The following ZNF354C variants were observed in gnomAD, a reference collection of about 807,000 sequenced individuals.
The protein encoded by ZNF354C is KRAB-zinc finger protein synten.
Under a neutral mutation model 12.4 loss-of-function variants are expected in ZNF354C, and 7 were observed. The ratio of observed to expected loss-of-function variants is 0.56; its 90% CI spans 0.32 to 1.06. The LOEUF (loss-of-function observed/expected upper bound fraction) is 1.06, where lower values mean the gene tolerates loss of function less well. ZNF354C is among the 50% of genes least tolerant of loss of function. The pLI, the probability that ZNF354C is intolerant of heterozygous loss-of-function variation, is 0.04. For synonymous variants in ZNF354C, 202 were observed against 224.5 expected (o/e 0.90, Z 0.90); for missense variants, 609 against 658.0 (o/e 0.93, Z 0.81).
rs1473454718 is a variant in ZNF354C at position 179,083,673 on chromosome 5, T to C, written c.*3576T>C. 6.6e-6 allele frequency: 1 copy of C among 152,252 alleles called. No homozygotes were observed. Among genetic ancestry groups the C allele is most frequent in the Non-Finnish European group, 1.5e-5 (1 of 68,050 alleles). 9.4% of individuals were successfully genotyped at this position (152,252 alleles called of 1,614,324 possible). On this transcript the variant is annotated 3_prime_UTR_variant, in exon 5 of 5. Coordinates refer to ENST00000315475, the MANE Select transcript of ZNF354C (RefSeq NM_014594.3). ...GGTACCAGTTCTCCTTTAAATGGAA[T>C]GAGCATGTTCCACTTTATCTCTCAT... is the stretch of plus-strand genomic sequence containing the variant.
Position 179,083,214 on chromosome 5 carries a change from CT to C in ZNF354C, c.*3118del, listed in dbSNP as rs1762252586. ...ATTAGCTTCTGATTCATAAAAAAACCTATAAGAGACATTTGGGGGGATATTT... is the reference window on the plus strand; with the variant it reads ...ATTAGCTTCTGATTCATAAAAAAACCATAAGAGACATTTGGGGGGATATTT... On this transcript the variant is annotated 3_prime_UTR_variant, in exon 5 of 5. Coordinates refer to ENST00000315475, the MANE Select transcript of ZNF354C (RefSeq NM_014594.3). 3.4e-6 allele frequency: 1 copy of C among 298,054 alleles called. No homozygotes were observed. Among genetic ancestry groups the C allele is most frequent in the Non-Finnish European group, 6.2e-6 (1 of 162,258 alleles). The allele number at this position is 298,054 out of a possible 1,614,324, so 18.5% of individuals were successfully genotyped here. A position where few individuals can be genotyped will look rare whatever the true frequency, so the allele number is the denominator to read the frequency against.
In ZNF354C at chr5:179,060,438, G is replaced by A. The variant is rs1396441620; in HGVS notation, c.-283G>A. ...GCCTTTCGGGGGTTCTCCTGGCTTGGGCCATCCAGGCTTGGCTAGGATTGC... is the reference window on the plus strand; with the variant it reads ...GCCTTTCGGGGGTTCTCCTGGCTTGAGCCATCCAGGCTTGGCTAGGATTGC... On this transcript the variant is annotated 5_prime_UTR_variant, in exon 1 of 5. Coordinates refer to ENST00000315475, the MANE Select transcript of ZNF354C (RefSeq NM_014594.3). The surrounding 1 kb of genome is among the most constrained non-coding windows in gnomAD (Gnocchi z 4.2). 1 of 152,384 alleles carries A rather than the reference G, an allele frequency of 6.6e-6. No homozygotes were observed. The highest frequency in any genetic ancestry group is 1.5e-5 in the Non-Finnish European group (1 of 68,176). 9.4% of individuals were successfully genotyped at this position (152,384 alleles called of 1,614,324 possible).
At position 179,080,107 on chromosome 5, in the gene ZNF354C, C is replaced by T. The variant is rs763443762; in HGVS notation, c.*10C>T. On this transcript the variant is annotated 3_prime_UTR_variant, in exon 5 of 5. Coordinates refer to ENST00000315475, the MANE Select transcript of ZNF354C (RefSeq NM_014594.3). ...AGCCTATGAGGTTTAGTTCATCTCT[C>T]AAATAATCCAAGACTTCTCACTGGG... is the stretch of plus-strand genomic sequence containing the variant. 16 of 1,519,996 alleles carry T rather than the reference C, an allele frequency of 1.1e-5. No individual in the cohort carries two copies. The highest frequency in any genetic ancestry group is 1.4e-5 in the Non-Finnish European group (16 of 1,131,674). 94.2% of individuals were successfully genotyped at this position (1,519,996 alleles called of 1,614,324 possible). A position where few individuals can be genotyped will look rare whatever the true frequency, so the allele number is the denominator to read the frequency against.
In ZNF354C at chr5:179,079,214, C is replaced by T; in HGVS notation, c.782C>T (p.Ser261Phe). 6.2e-7 allele frequency: 1 copy of T among 1,613,914 alleles called. No individual in the cohort carries two copies. Among genetic ancestry groups the T allele is most frequent in the South Asian group, 1.1e-5 (1 of 91,078 alleles). ...TTCAGCCACAGATCATCCCTTCTTTCTCATCAGAGAATTCATACTGGAGAG... is the reference window on the plus strand; with the variant it reads ...TTCAGCCACAGATCATCCCTTCTTTTTCATCAGAGAATTCATACTGGAGAG... ...KTFSHRSSLL[S>F]HQRIHTGEKP... is the part of the protein sequence containing the mutation. Residue 261 changes from serine (S) to phenylalanine (F), a missense_variant, in exon 5 of 5, where the codon TCT (serine) becomes TTT (phenylalanine). Coordinates refer to ENST00000315475, the MANE Select transcript of ZNF354C (RefSeq NM_014594.3). This position sits in a 1 kb window ranked among gnomAD's most constrained non-coding sequence, Gnocchi z 4.2.
chr5:179,077,501 TCTC>T (rs986116827), intron 4 of ZNF354C, among the ~76,000 whole-genome samples: 1 of 152,174 alleles, frequency 6.6e-6, no homozygotes, highest in African/African-American at 2.4e-5. Flanking sequence ...TGACTTCAAA[TCTC>T]CTGCAGATTT....
intron 4 of ZNF354C, 58 bp from the exon 5 acceptor site, chr5:179,078,625 G>C: frequency 4.3e-6 from 6 of 1,397,206 alleles, no homozygotes; most frequent in Non-Finnish European, 5.9e-6. Context: ...TTGTCTCACC[G>C]ATACATCAGT....
chr5:179,072,791 T>G (rs559705000), intron 2 of ZNF354C, among the ~76,000 whole-genome samples: 1 of 152,316 alleles, frequency 6.6e-6, no homozygotes, highest in South Asian at 2.1e-4. Flanking sequence ...TATTTCCACA[T>G]GAAATCAATA....
Position 179,080,161 on chromosome 5 carries a change from A to C in ZNF354C, c.*64A>C. The stretch of plus-strand genomic sequence containing the variant: ...TAAGGGAATAATAAATAGGGTACAA[A>C]CTCCTAATAGATTTGTCTTTTTTAC... On this transcript the variant is annotated 3_prime_UTR_variant, in exon 5 of 5. Transcript: ENST00000315475. The C allele has an allele frequency of 8.1e-7, 1 of 1,235,364 alleles. No individual in the cohort carries two copies. Among genetic ancestry groups the C allele is most frequent in the Non-Finnish European group, 1.1e-6 (1 of 889,882 alleles). 76.5% of individuals were successfully genotyped at this position (1,235,364 alleles called of 1,614,324 possible).
intron 4 of ZNF354C, 106 bp from the exon 5 acceptor site, chr5:179,078,577 G>A (rs1429570718): frequency 2.4e-6 from 2 of 838,980 alleles, no homozygotes; most frequent in African/African-American, 1.7e-5. Flanking sequence ...AAATCTGATT[G>A]TATCACTCTT....
In ZNF354C at chr5:179,079,505, G is replaced by A. The variant is rs762236380; in HGVS notation, c.1073G>A (p.Cys358Tyr). Residue 358 changes from cysteine (C) to tyrosine (Y), a missense_variant, in exon 5 of 5, where the codon TGT becomes TAT. Cys to Tyr is a radical substitution (Grantham distance 194). Coordinates refer to ENST00000315475, the MANE Select transcript of ZNF354C (RefSeq NM_014594.3). The surrounding 1 kb of genome is among the most constrained non-coding windows in gnomAD (Gnocchi z 4.2). ...RIHTGEKPYK[C>Y]SECGKGYSQF... ...CATACAGGTGAGAAACCCTATAAAT[G>A]TAGTGAGTGTGGGAAGGGATACAGC... The A allele has an allele frequency of 6.2e-7, 1 of 1,614,186 alleles. No individual in the cohort carries two copies. The highest frequency in any genetic ancestry group is 1.7e-5 in the Admixed American group (1 of 60,024).
chr5:179,079,582 T>C lies in ZNF354C; in HGVS notation c.1150T>C (p.Tyr384His), dbSNP rs1277564344. ...GAGGTTTCATACTGGAGAACAACTGTATACATGCTTGGAATGTGGGAGAAC... is the reference window on the plus strand; with the variant it reads ...GAGGTTTCATACTGGAGAACAACTGCATACATGCTTGGAATGTGGGAGAAC... ...HQRFHTGEQL[Y>H]TCLECGRTFT... Residue 384 changes from tyrosine to histidine, a missense_variant, in exon 5 of 5, where the codon TAT becomes CAT. Physicochemically the swap from Tyr to His is moderately conservative, Grantham distance 83. Transcript: ENST00000315475. The surrounding 1 kb of genome is among the most constrained non-coding windows in gnomAD (Gnocchi z 4.2). The C allele has an allele frequency of 6.2e-7, 1 of 1,614,022 alleles. No homozygotes were observed. Among genetic ancestry groups the C allele is most frequent in the Non-Finnish European group, 8.5e-7 (1 of 1,180,044 alleles).
At chr5:179,076,815 C>T (rs1762130243) in intron 3 of ZNF354C, among the ~76,000 whole-genome samples, 1 of 152,132 alleles carries the variant, frequency 6.6e-6, no homozygotes, top group African/African-American at 2.4e-5. Flanking sequence ...GACTAGAGAT[C>T]CCAGTTTAGA....
In ZNF354C at chr5:179,078,881, A is replaced by G. The variant is rs781269950; in HGVS notation, c.449A>G (p.His150Arg). 6 of 1,614,122 alleles carry G rather than the reference A, an allele frequency of 3.7e-6. No homozygotes were observed. Among genetic ancestry groups the G allele is most frequent in the Non-Finnish European group, 4.2e-6 (5 of 1,180,010 alleles). ...KKPLRQMIDSHEKTISEDGNH... is the reference protein window; with the variant it reads ...KKPLRQMIDSREKTISEDGNH... ...CCTCTTAGACAAATGATAGATTCGC[A>G]TGAGAAAACCATCAGTGAAGATGGA... The change falls in exon 5 of 5, where the codon CAT becomes CGT. Residue 150 changes from histidine to arginine, a missense_variant. Transcript: ENST00000315475.
In ZNF354C at chr5:179,061,369, G is replaced by C. The variant is rs73806851; in HGVS notation, c.-54-646G>C. Among the ~76,000 whole-genome samples the C allele has an allele frequency of 9.8e-3, 1,491 of 152,298 alleles. 23 individuals carry two copies. The highest frequency in any genetic ancestry group is 0.034 in the African/African-American group (1,413 of 41,562). ...CTGTTTCTGGTTGTGGGTGCCATTA[G>C]AGGCGGCACCTGTGGAGTATTAGGA... On this transcript the variant is annotated intron_variant, in intron 1 of 4. Coordinates refer to ENST00000315475, the MANE Select transcript of ZNF354C (RefSeq NM_014594.3).
chr5:179,060,898 G>C lies in ZNF354C; in HGVS notation c.-55+232G>C, dbSNP rs898881030. On this transcript the variant is annotated intron_variant, in intron 1 of 4. Transcript: ENST00000315475. This position sits in a 1 kb window ranked among gnomAD's most constrained non-coding sequence, Gnocchi z 4.2. ...CGGTACGCTGTTCCCGCTCTGTCAGGAGGAGACCGAGGCAGAGTGGCGAGG... is the reference window on the plus strand; with the variant it reads ...CGGTACGCTGTTCCCGCTCTGTCAGCAGGAGACCGAGGCAGAGTGGCGAGG... 1.1e-4 allele frequency among the ~76,000 whole-genome samples: 17 copies of C among 152,190 alleles called. 1 individual carries two copies. Among genetic ancestry groups the C allele is most frequent in the Non-Finnish European group, 1.9e-4 (13 of 68,028 alleles).
At chr5:179,075,379 A>C (rs1437135763) in intron 2 of ZNF354C, among the ~76,000 whole-genome samples, 1 of 151,908 alleles carries the variant, frequency 6.6e-6, no homozygotes, top group Non-Finnish European at 1.5e-5. Context: ...CTGAGATTGC[A>C]CCACTGCACT....
chr5:179,075,152 G>A (rs1321443862), intron 2 of ZNF354C, among the ~76,000 whole-genome samples: 13 of 151,902 alleles, frequency 8.6e-5, no homozygotes, highest in South Asian at 4.2e-4. Context: ...CCAGCTACTC[G>A]GGAGGCTGAG....
At position 179,082,916 on chromosome 5, in the gene ZNF354C, C is replaced by G; in HGVS notation, c.*2819C>G. 1.0e-6 allele frequency: 1 copy of G among 958,522 alleles called. No homozygotes were observed. Among genetic ancestry groups the G allele is most frequent in the Non-Finnish European group, 1.7e-6 (1 of 588,760 alleles). The allele number at this position is 958,522 out of a possible 1,614,324, so 59.4% of individuals were successfully genotyped here. ...TGCGCTGATGAAGAATCACGGAGAA[C>G]TCCACCTCATCTCCTGCCTGGAGCT... On this transcript the variant is annotated 3_prime_UTR_variant, in exon 5 of 5. Transcript: ENST00000315475.
Position 179,082,363 on chromosome 5 carries a change from A to C in ZNF354C, c.*2266A>C, listed in dbSNP as rs1463069909. The C allele has an allele frequency of 3.7e-6, 1 of 270,320 alleles. No individual in the cohort carries two copies. The highest frequency in any genetic ancestry group is 2.3e-5 in the African/African-American group (1 of 44,002). 16.7% of individuals were successfully genotyped at this position (270,320 alleles called of 1,614,324 possible). ...AAATTTAATTAAATCTTTTGTCTAG[A>C]CTTATCTTCCTGTTTAAAGAAATAC... On this transcript the variant is annotated 3_prime_UTR_variant, in exon 5 of 5. Coordinates refer to ENST00000315475, the MANE Select transcript of ZNF354C (RefSeq NM_014594.3).
Sources: allele counts gnomAD v4.1 joint callset (sites outside exome capture counted in the v4.1 genomes callset), GRCh38; gene constraint gnomAD v4.1.1; non-coding constraint Gnocchi (gnomAD v3.1); transcripts MANE v1.5; gene names NCBI Gene and HGNC (gene_info 2026-07-23, HGNC 2026-07-21).